Variants in CEP112 observed in about 807,000 individuals in gnomAD.
CEP112 encodes the protein centrosomal protein 112.
Under a neutral mutation model 153.0 loss-of-function variants are expected in CEP112, and 127 were observed. The ratio of observed to expected loss-of-function variants is 0.83; its 90% CI spans 0.72 to 0.96. The LOEUF is 0.96. Ranked by LOEUF, CEP112 falls within the 40% of genes least tolerant of loss-of-function variation. CEP112 has a pLI of 0.00. For synonymous variants in CEP112, 358 were observed against 374.4 expected (o/e 0.96, Z 0.51); for missense variants, 1,089 against 1,101.2 (o/e 0.99, Z 0.16).
At chr17:65,668,478 C>G (rs551733723) in intron 24 of CEP112, among the ~76,000 whole-genome samples, 8 of 152,276 alleles carry the variant, frequency 5.3e-5, no homozygotes, top group African/African-American at 1.9e-4. Context: ...CTCAGATCCC[C>G]CACCTGGAAG....
chr17:66,139,509 G>A (rs939278957), intron 4 of CEP112, among the ~76,000 whole-genome samples: 1 of 152,116 alleles, frequency 6.6e-6, no homozygotes, highest in Non-Finnish European at 1.5e-5. Flanking sequence ...TACTTGGGAG[G>A]ATGAGGTAGG....
At chr17:66,092,257 C>G (rs576833071) in intron 8 of CEP112, among the ~76,000 whole-genome samples, 4 of 151,912 alleles carry the variant, frequency 2.6e-5, no homozygotes, top group Admixed American at 2.6e-4. Flanking sequence ...CAAGGCTAAT[C>G]TCAAACTGCT....
chr17:65,824,512 A>G (rs1289990756), intron 21 of CEP112, among the ~76,000 whole-genome samples: 1 of 152,238 alleles, frequency 6.6e-6, no homozygotes, highest in East Asian at 1.9e-4. Flanking sequence ...AACTGCACAT[A>G]ACCTATATAA....
chr17:65,894,893 T>C (rs1218515494), intron 20 of CEP112, among the ~76,000 whole-genome samples: 1 of 152,114 alleles, frequency 6.6e-6, no homozygotes, highest in East Asian at 1.9e-4. Flanking sequence ...GAGTTTAATT[T>C]ACCTCAAAAG....
chr17:65,974,197 C>A (rs1164612032), intron 17 of CEP112, among the ~76,000 whole-genome samples: 3 of 152,026 alleles, frequency 2.0e-5, no homozygotes, highest in African/African-American at 7.2e-5. Flanking sequence ...CCACTTCAAC[C>A]CCCCAAGTGG....
At chr17:65,891,035 T>C (rs2059444623) in intron 20 of CEP112, among the ~76,000 whole-genome samples, 1 of 152,178 alleles carries the variant, frequency 6.6e-6, no homozygotes, top group Non-Finnish European at 1.5e-5. Flanking sequence ...CCCCATAGAC[T>C]GTAAGCTTGA....
intron 17 of CEP112, among the ~76,000 whole-genome samples, chr17:65,987,240 A>T (rs935141): frequency 1.3e-5 from 2 of 151,842 alleles, no homozygotes; most frequent in Non-Finnish European, 2.9e-5. Flanking sequence ...TTAAAAGGGG[A>T]TATGATTAAG....
intron 1 of CEP112, among the ~76,000 whole-genome samples, chr17:66,186,195 C>T (rs2072926946): frequency 1.3e-5 from 2 of 152,176 alleles, no homozygotes; most frequent in Admixed American, 6.5e-5. Context: ...TGAGGCTCAA[C>T]GCTCCAACCA....
rs34758953 is a variant in CEP112 at position 65,772,575 on chromosome 17, T to TACACAC, written c.2395-21857_2395-21852dup. The stretch of plus-strand genomic sequence containing the variant: ...AAAACTCAAAGACCCCTCTATTTAT[T>TACACAC]ACACACACACACACACACACACACA... On this transcript the variant is annotated intron_variant, in intron 21 of 26. Transcript: ENST00000535342. Among the ~76,000 whole-genome samples the TACACAC allele has an allele frequency of 4.0e-3, 539 of 133,474 alleles. 1 individual carries two copies. The highest frequency in any genetic ancestry group is 5.3e-3 in the Non-Finnish European group (346 of 64,700). The allele number at this position is 133,474 out of a possible 152,430, so 87.6% of individuals were successfully genotyped here. A position where few individuals can be genotyped will look rare whatever the true frequency, so the allele number is the denominator to read the frequency against.
chr17:66,033,223 G>A (rs1461122872), intron 12 of CEP112, among the ~76,000 whole-genome samples: 2 of 151,950 alleles, frequency 1.3e-5, no homozygotes, highest in Non-Finnish European at 2.9e-5. Context: ...GAACAGAAAT[G>A]GTAGAACAAG....
chr17:65,687,990 TA>T (rs1438156588), intron 24 of CEP112, among the ~76,000 whole-genome samples: 1 of 152,240 alleles, frequency 6.6e-6, no homozygotes, highest in Non-Finnish European at 1.5e-5. Flanking sequence ...AATGCATTTA[TA>T]AAGGGTTTCA....
intron 4 of CEP112, among the ~76,000 whole-genome samples, chr17:66,164,967 T>A (rs961437566): frequency 2.0e-5 from 3 of 150,038 alleles, no homozygotes; most frequent in African/African-American, 7.4e-5. Flanking sequence ...GGAGCTCCTC[T>A]GACAGCAGAA....
chr17:65,711,103 T>C (rs1205118059), intron 23 of CEP112, among the ~76,000 whole-genome samples: 1 of 152,234 alleles, frequency 6.6e-6, no homozygotes, highest in Non-Finnish European at 1.5e-5. Flanking sequence ...ACATGTGACC[T>C]CTTTGAACCC....
chr17:65,646,137 G>C (rs2045419299), intron 24 of CEP112, among the ~76,000 whole-genome samples: 1 of 152,216 alleles, frequency 6.6e-6, no homozygotes, highest in Non-Finnish European at 1.5e-5. Context: ...AGGCCATAGA[G>C]AGTAGAAGAT....
At chr17:65,915,604 T>G (rs536125223) in intron 19 of CEP112, among the ~76,000 whole-genome samples, 1 of 151,766 alleles carries the variant, frequency 6.6e-6, no homozygotes, top group Non-Finnish European at 1.5e-5. Flanking sequence ...GTCAACATAG[T>G]GAAACCCTGT....
chr17:66,088,645 C>G (rs756367499), intron 8 of CEP112, among the ~76,000 whole-genome samples: 1 of 152,154 alleles, frequency 6.6e-6, no homozygotes, highest in Non-Finnish European at 1.5e-5. Flanking sequence ...GACTCCAGGT[C>G]GGCCACTGGG....
At chr17:65,909,000 G>C (rs2060185247) in intron 19 of CEP112, among the ~76,000 whole-genome samples, 1 of 152,178 alleles carries the variant, frequency 6.6e-6, no homozygotes, top group African/African-American at 2.4e-5. Context: ...CTGTTTTACA[G>C]TGAAATTAGT....
At chr17:65,760,665 T>C (rs1031859995) in intron 21 of CEP112, among the ~76,000 whole-genome samples, 3 of 152,180 alleles carry the variant, frequency 2.0e-5, no homozygotes, top group Admixed American at 6.6e-5. Flanking sequence ...TTGTTAAAGA[T>C]TTTTTCATTT....
intron 6 of CEP112, among the ~76,000 whole-genome samples, chr17:66,096,869 C>T (rs2068369323): frequency 6.6e-6 from 1 of 152,154 alleles, no homozygotes; most frequent in South Asian, 2.1e-4. Flanking sequence ...CACTGCCTAA[C>T]TGCCCACTCT....
Sources: gnomAD v4.1 joint callset for allele counts (sites outside exome capture counted in the v4.1 genomes callset) on GRCh38, gnomAD v4.1.1 for gene constraint, MANE v1.5 for transcripts, NCBI Gene and HGNC (gene_info 2026-07-23, HGNC 2026-07-21) for gene names.